CDKN2B-AS1: variants seen among roughly 807,000 people sequenced by gnomAD.
CDKN2B-AS1 encodes the protein CDKN2B antisense RNA 1 (non-protein coding).
chr9:22,108,316 C>A (rs905515275), intron 4 of CDKN2B-AS1, among the ~76,000 whole-genome samples: 1 of 152,082 alleles, frequency 6.6e-6, no homozygotes, highest in African/African-American at 2.4e-5. Context: ...GTATTTCTGA[C>A]AATAAATCAG....
intron 1 of CDKN2B-AS1, among the ~76,000 whole-genome samples, chr9:22,007,595 A>C (rs1036126559): frequency 2.6e-5 from 4 of 152,134 alleles, no homozygotes; most frequent in Non-Finnish European, 5.9e-5. Context: ...TTTAAAATAT[A>C]CCATTTAATT....
At chr9:22,081,031 T>C (rs945189422) in intron 4 of CDKN2B-AS1, among the ~76,000 whole-genome samples, 1 of 152,248 alleles carries the variant, frequency 6.6e-6, no homozygotes, top group Admixed American at 6.5e-5. Context: ...CAACCCTTGT[T>C]CATACTGCAG....
chr9:22,075,612 C>G (rs1824464411), intron 4 of CDKN2B-AS1, among the ~76,000 whole-genome samples: 1 of 152,182 alleles, frequency 6.6e-6, no homozygotes, highest in Non-Finnish European at 1.5e-5. Context: ...AAGCGCCAAT[C>G]TATCTGTGAC....
intron 4 of CDKN2B-AS1, among the ~76,000 whole-genome samples, chr9:22,061,592 T>A (rs1008188552): frequency 2.0e-5 from 3 of 152,116 alleles, no homozygotes; most frequent in African/African-American, 7.2e-5. Context: ...GCAACTAAAT[T>A]TCATTAGGTA....
intron 4 of CDKN2B-AS1, among the ~76,000 whole-genome samples, chr9:22,099,045 A>C (rs1228073821): frequency 6.6e-6 from 1 of 152,244 alleles, no homozygotes; most frequent in Non-Finnish European, 1.5e-5. Context: ...GTGTTAGTAC[A>C]GAAAGGACAT....
At chr9:22,128,041 G>A (rs1345529553) in exon 5 of CDKN2B-AS1, among the ~76,000 whole-genome samples, 1 of 152,126 alleles carries the variant, frequency 6.6e-6, no homozygotes, top group Non-Finnish European at 1.5e-5. Context: ...ACTAACTTAT[G>A]AGATGTGTGT....
intron 1 of CDKN2B-AS1, chr9:22,012,096 A>G (rs1054086525): frequency 8.1e-6 from 6 of 739,282 alleles, no homozygotes; most frequent in Admixed American, 2.1e-5. Context: ...ATATAGAAGT[A>G]TGAACAGATC....
chr9:22,006,121 T>A lies in CDKN2B-AS1; in HGVS notation n.29+10960T>A, dbSNP rs1357609907. The A allele has an allele frequency of 1.2e-6, 2 of 1,610,898 alleles. No homozygotes were observed. The highest frequency in any genetic ancestry group is 1.7e-6 in the Non-Finnish European group (2 of 1,179,820). On this transcript the variant is annotated intron_variant and non_coding_transcript_variant, in intron 1 of 4. Transcript: ENST00000650946. The surrounding 1 kb of genome is among the most constrained non-coding windows in gnomAD (Gnocchi z 6.4). ...CCGGCCCGGTGCAGCACCACCAGCG[T>A]GTCCAGGAAGCCCTCCCGGGCAGCA...
chr9:22,065,312 G>C (rs945414821), intron 4 of CDKN2B-AS1, among the ~76,000 whole-genome samples: 1 of 152,194 alleles, frequency 6.6e-6, no homozygotes, highest in African/African-American at 2.4e-5. Flanking sequence ...GTGAGATGGA[G>C]TGGACTGACA....
chr9:22,077,343 G>T (rs931588442), intron 4 of CDKN2B-AS1, among the ~76,000 whole-genome samples: 1 of 151,904 alleles, frequency 6.6e-6, no homozygotes, highest in African/African-American at 2.4e-5. Context: ...AAAATTTGGG[G>T]TATATGTTAT....
intron 1 of CDKN2B-AS1, among the ~76,000 whole-genome samples, chr9:22,018,057 C>T (rs1821852873): frequency 6.6e-6 from 1 of 152,204 alleles, no homozygotes; most frequent in Non-Finnish European, 1.5e-5. Flanking sequence ...CTAAAAGTGG[C>T]TCACGCCTGT....
At chr9:22,050,334 A>G (rs903490326) in intron 3 of CDKN2B-AS1, among the ~76,000 whole-genome samples, 3 of 152,226 alleles carry the variant, frequency 2.0e-5, no homozygotes, top group Non-Finnish European at 2.9e-5. Flanking sequence ...GATTACGTAT[A>G]GAGCCAGGGA....
chr9:22,096,332 C>T (rs144531363), intron 4 of CDKN2B-AS1: 5 of 152,272 alleles, frequency 3.3e-5, no homozygotes, highest in Admixed American at 3.3e-4. Flanking sequence ...GATTGGACAC[C>T]ATTCGTTCAT....
At chr9:22,027,533 T>G (rs895809658) in intron 1 of CDKN2B-AS1, among the ~76,000 whole-genome samples, 4 of 152,164 alleles carry the variant, frequency 2.6e-5, no homozygotes, top group Admixed American at 2.0e-4. Flanking sequence ...AAAACAATAT[T>G]AGTATTAGAA....
At chr9:22,089,806 C>T (rs1825005138) in intron 4 of CDKN2B-AS1, among the ~76,000 whole-genome samples, 1 of 151,926 alleles carries the variant, frequency 6.6e-6, no homozygotes, top group Non-Finnish European at 1.5e-5. Context: ...TGACTAATTT[C>T]AAACATTTAT....
Position 22,000,688 on chromosome 9 carries a change from G to A in CDKN2B-AS1, n.29+5527G>A, listed in dbSNP as rs3218004. 6.6e-6 allele frequency among the ~76,000 whole-genome samples: 1 copy of A among 152,082 alleles called. No individual in the cohort carries two copies. The highest frequency in any genetic ancestry group is 1.5e-5 in the Non-Finnish European group (1 of 67,980). On this transcript the variant is annotated intron_variant and non_coding_transcript_variant, in intron 1 of 4. Coordinates refer to ENST00000650946, the Ensembl canonical transcript of CDKN2B-AS1. The surrounding 1 kb of genome is among the most constrained non-coding windows in gnomAD (Gnocchi z 4.1). The stretch of plus-strand genomic sequence containing the variant: ...TCTGCTGACTTGTCTGTGGGTTTTT[G>A]AACAGAATAAACTGTTTCTTCTTTT...
chr9:21,995,467 A>G lies in CDKN2B-AS1; in HGVS notation n.29+306A>G, dbSNP rs1820616631. Reference sequence around the variant, plus strand: ...TCCACGCTCTGCCCCGCGCCCAGACACCCCGACTCCCCTTGATCCCGCCGC... The same window carrying G: ...TCCACGCTCTGCCCCGCGCCCAGACGCCCCGACTCCCCTTGATCCCGCCGC... On this transcript the variant is annotated intron_variant and non_coding_transcript_variant, in intron 1 of 4. Coordinates refer to ENST00000650946, the Ensembl canonical transcript of CDKN2B-AS1. This position sits in a 1 kb window ranked among gnomAD's most constrained non-coding sequence, Gnocchi z 5.7. The G allele has an allele frequency of 6.6e-6, 1 of 151,978 alleles. No individual in the cohort carries two copies. The highest frequency in any genetic ancestry group is 6.6e-5 in the Admixed American group (1 of 15,248). The allele number at this position is 151,978 out of a possible 1,614,324, so 9.4% of individuals were successfully genotyped here.
At chr9:22,016,477 C>G (rs2131212399) in intron 1 of CDKN2B-AS1, among the ~76,000 whole-genome samples, 1 of 152,274 alleles carries the variant, frequency 6.6e-6, no homozygotes, top group South Asian at 2.1e-4. Flanking sequence ...CAAAAAGGAG[C>G]CCGCATTGCC....
rs1821143861 is a variant in CDKN2B-AS1 at position 22,005,820 on chromosome 9, G to A, written n.29+10659G>A. On this transcript the variant is annotated intron_variant and non_coding_transcript_variant, in intron 1 of 4. Coordinates refer to ENST00000650946, the Ensembl canonical transcript of CDKN2B-AS1. This position sits in a 1 kb window ranked among gnomAD's most constrained non-coding sequence, Gnocchi z 4.9. ...AGATAAGACAAAGAAAAAAATGTAT[G>A]GAAGGTTATTCCCGGTCGGCTCCTC... 6.0e-6 allele frequency: 5 copies of A among 833,558 alleles called. No individual in the cohort carries two copies. In the African/African-American group the frequency reaches 8.5e-5, roughly 14 times the overall value. 51.6% of individuals were successfully genotyped at this position (833,558 alleles called of 1,614,324 possible).
Sources: gnomAD v4.1 joint callset for allele counts (sites outside exome capture counted in the v4.1 genomes callset) on GRCh38, gnomAD v4.1.1 for gene constraint, Gnocchi (gnomAD v3.1) non-coding constraint, MANE v1.5 for transcripts, NCBI Gene and HGNC (gene_info 2026-07-23, HGNC 2026-07-21) for gene names.